Variants in TOM1L2 observed in about 807,000 individuals in gnomAD.
TOM1L2 encodes the protein TOM1-like protein 2.
Under a neutral mutation model 67.9 loss-of-function variants are expected in TOM1L2, and 31 were observed. That is an observed-to-expected ratio of 0.46 (90% confidence interval 0.34 to 0.62). The LOEUF (loss-of-function observed/expected upper bound fraction) is 0.62, where lower values mean the gene tolerates loss of function less well. TOM1L2 is among the 20% of genes least tolerant of loss of function. The probability of loss-of-function intolerance (pLI) is 0.01; values close to 1 mark genes in which losing one functional copy is unlikely to be tolerated. For missense variants in TOM1L2, 606 were observed against 663.5 expected (o/e 0.91, Z 0.95); for synonymous variants, 256 against 254.0 (o/e 1.01, Z -0.07).
chr17:17,867,919 C>T (rs2036945003), intron 8 of TOM1L2, among the ~76,000 whole-genome samples: 1 of 152,210 alleles, frequency 6.6e-6, no homozygotes, highest in South Asian at 2.1e-4. Context: ...ACCTTTCCCA[C>T]ACTCATCTTC....
chr17:17,903,398 C>T lies in TOM1L2; in HGVS notation c.137+4049G>A, dbSNP rs140309393. The stretch of plus-strand genomic sequence containing the variant: ...CAGCACTTTGGGAGGCTGAGGCGGG[C>T]GGATCACGAGGTAAGGGGATCGAGA... On this transcript the variant is annotated intron_variant, in intron 2 of 14. Coordinates refer to ENST00000379504, the MANE Select transcript of TOM1L2 (RefSeq NM_001082968.2). 1.3e-3 allele frequency among the ~76,000 whole-genome samples: 204 copies of T among 152,030 alleles called. 1 individual carries two copies. Among genetic ancestry groups the T allele is most frequent in the African/African-American group, 4.7e-3 (194 of 41,492 alleles).
intron 1 of TOM1L2, among the ~76,000 whole-genome samples, chr17:17,924,532 G>A (rs1598348534): frequency 6.6e-6 from 1 of 152,038 alleles, no homozygotes; most frequent in South Asian, 2.1e-4. Context: ...GGGTGCAGTG[G>A]CTCAAGCAGG....
At chr17:17,930,280 C>T (rs1413464900) in intron 1 of TOM1L2, among the ~76,000 whole-genome samples, 1 of 152,114 alleles carries the variant, frequency 6.6e-6, no homozygotes, top group Non-Finnish European at 1.5e-5. Flanking sequence ...AACTTTAGCC[C>T]ATTCTCCTAA....
intron 1 of TOM1L2, among the ~76,000 whole-genome samples, chr17:17,908,909 G>A (rs543491855): frequency 1.2e-4 from 19 of 152,282 alleles, no homozygotes; most frequent in African/African-American, 3.6e-4. Flanking sequence ...CCAGCCAGGC[G>A]CGGTGGCTCA....
At chr17:17,901,763 T>G (rs1177558986) in intron 2 of TOM1L2, among the ~76,000 whole-genome samples, 2 of 152,216 alleles carry the variant, frequency 1.3e-5, no homozygotes, top group Non-Finnish European at 2.9e-5. Context: ...GAGATGGCCA[T>G]GTAAATGACC....
At chr17:17,914,878 G>A (rs1598329225) in intron 1 of TOM1L2, among the ~76,000 whole-genome samples, 1 of 151,988 alleles carries the variant, frequency 6.6e-6, no homozygotes, top group East Asian at 1.9e-4. Context: ...TCTTTTTTAG[G>A]TAAAAAAAAA....
chr17:17,968,622 G>A (rs1352751520), intron 1 of TOM1L2, among the ~76,000 whole-genome samples: 2 of 149,654 alleles, frequency 1.3e-5, no homozygotes, highest in Non-Finnish European at 3.0e-5. Context: ...CTTAGATCGT[G>A]CCACTGCACT....
intron 1 of TOM1L2, among the ~76,000 whole-genome samples, chr17:17,932,142 T>C (rs1274262635): frequency 1.3e-5 from 2 of 152,224 alleles, no homozygotes; most frequent in Non-Finnish European, 2.9e-5. Context: ...CAACCATAAT[T>C]ACCTTTCATG....
chr17:17,919,338 C>T (rs2039757060), intron 1 of TOM1L2, among the ~76,000 whole-genome samples: 1 of 152,188 alleles, frequency 6.6e-6, no homozygotes, highest in South Asian at 2.1e-4. Context: ...CTTGCACCCC[C>T]CTCCTCTCCC....
Position 17,847,668 on chromosome 17 carries a change from T to C in TOM1L2, c.1491A>G (p.Pro497=), listed in dbSNP as rs1568033046. Residue 497 remains proline (P), a synonymous_variant, in exon 15 of 15, where the codon CCA becomes CCG. Transcript: ENST00000379504. The part of the protein sequence containing the change: ...PASNPSGRKK[P]ERSEDALFAL ...CGAAGAGGGCATCCTCTGACCGCTC[T>C]GGCTTCTTCCGGCCAGAAGGGTTTG... 6.2e-7 allele frequency: 1 copy of C among 1,613,822 alleles called. No individual in the cohort carries two copies. The highest frequency in any genetic ancestry group is 8.5e-7 in the Non-Finnish European group (1 of 1,179,890).
chr17:17,861,075 T>C (rs937206434), intron 12 of TOM1L2, among the ~76,000 whole-genome samples: 6 of 152,218 alleles, frequency 3.9e-5, no homozygotes, highest in Non-Finnish European at 8.8e-5. Flanking sequence ...CTGACCACCC[T>C]GTGGCACTGT....
At chr17:17,903,836 TGA>T (rs2038967082) in intron 2 of TOM1L2, among the ~76,000 whole-genome samples, 1 of 151,632 alleles carries the variant, frequency 6.6e-6, no homozygotes, top group Non-Finnish European at 1.5e-5. Flanking sequence ...AGATTCAAAC[TGA>T]GAGATCCAGT....
chr17:17,870,504 T>C (rs2037096458), intron 7 of TOM1L2, among the ~76,000 whole-genome samples: 2 of 152,102 alleles, frequency 1.3e-5, no homozygotes, highest in Non-Finnish European at 2.9e-5. Context: ...CATACAGGGT[T>C]AAAGCAGAGG....
At chr17:17,905,056 C>T (rs979557664) in intron 2 of TOM1L2, among the ~76,000 whole-genome samples, 41 of 152,160 alleles carry the variant, frequency 2.7e-4, no homozygotes, top group African/African-American at 8.9e-4. Flanking sequence ...GAATGAGTGG[C>T]ATGTTAGGAG....
chr17:17,919,608 A>G lies in TOM1L2; in HGVS notation c.53-12077T>C, dbSNP rs542516861. 3.9e-5 allele frequency among the ~76,000 whole-genome samples: 6 copies of G among 152,270 alleles called. No homozygotes were observed. The South Asian group carries it at 1.2e-3, about 32-fold the overall frequency. Reference sequence around the variant, plus strand: ...AGACCATCTAGTAAAAAGATTCCCCATAAGTCCACATTTCCTGGACCCCAG... The same window carrying G: ...AGACCATCTAGTAAAAAGATTCCCCGTAAGTCCACATTTCCTGGACCCCAG... On this transcript the variant is annotated intron_variant, in intron 1 of 14. Transcript: ENST00000379504.
At chr17:17,950,252 G>C (rs1287321094) in intron 1 of TOM1L2, among the ~76,000 whole-genome samples, 1 of 152,126 alleles carries the variant, frequency 6.6e-6, no homozygotes, top group African/African-American at 2.4e-5. Context: ...CACCTCCTGG[G>C]CTCAAACAAT....
Position 17,926,441 on chromosome 17 carries a change from C to T in TOM1L2, c.53-18910G>A, listed in dbSNP as rs1158620876. On this transcript the variant is annotated intron_variant, in intron 1 of 14. Coordinates refer to ENST00000379504, the MANE Select transcript of TOM1L2 (RefSeq NM_001082968.2). ...GGGGAGATGCGGACATAAATGTACA[C>T]GTGTTTCACATTCCAAAGCCAAATA... is the stretch of plus-strand genomic sequence containing the variant. Among the ~76,000 whole-genome samples, 4 of 152,114 alleles carry T rather than the reference C, an allele frequency of 2.6e-5. No individual in the cohort carries two copies. The East Asian group carries it at 5.8e-4, about 22-fold the overall frequency.
At chr17:17,888,117 G>A (rs1219116296) in intron 4 of TOM1L2, among the ~76,000 whole-genome samples, 1 of 152,212 alleles carries the variant, frequency 6.6e-6, no homozygotes, top group African/African-American at 2.4e-5. Flanking sequence ...TGCCTTTTCA[G>A]AAAGCAAAGT....
At chr17:17,946,208 A>C (rs951513026) in intron 1 of TOM1L2, among the ~76,000 whole-genome samples, 4 of 152,128 alleles carry the variant, frequency 2.6e-5, no homozygotes, top group Non-Finnish European at 5.9e-5. Flanking sequence ...AGCTTTATTG[A>C]GATATAATTT....
Sources: gnomAD v4.1 joint callset for allele counts (sites outside exome capture counted in the v4.1 genomes callset) on GRCh38, gnomAD v4.1.1 for gene constraint, MANE v1.5 for transcripts, NCBI Gene and HGNC (gene_info 2026-07-23, HGNC 2026-07-21) for gene names.